Variants in ZBTB37 observed in about 807,000 individuals in gnomAD.
ZBTB37 encodes zinc finger and BTB domain containing 37, also known as zinc finger and BTB domain-containing protein 37.
A neutral mutation model predicts 37.7 loss-of-function variants in ZBTB37; 15 were observed. That is an observed-to-expected ratio of 0.40 (90% CI 0.27 to 0.61). The LOEUF is 0.61. Ranked by LOEUF, ZBTB37 falls within the 20% of genes least tolerant of loss-of-function variation. The probability of loss-of-function intolerance (pLI) is 0.44; values close to 1 mark genes in which losing one functional copy is unlikely to be tolerated. For synonymous variants in ZBTB37, 231 were observed against 220.6 expected, an observed-to-expected ratio of 1.05 and a Z score of -0.42; for missense variants, 514 against 641.9, an observed-to-expected ratio of 0.80 and a Z score of 2.15.
chr1:173,900,542 T>C (rs1468193670), exon 4 of ZBTB37: 6 of 152,236 alleles, frequency 3.9e-5, no homozygotes, highest in Non-Finnish European at 1.5e-5. Context: ...CAAGTTCAAA[T>C]GTAGCAGGCT....
chr1:173,886,259 C>A, exon 5 of ZBTB37: 1 of 1,372,236 alleles, frequency 7.3e-7, no homozygotes, highest in Non-Finnish European at 9.7e-7. Flanking sequence ...TGTTGCCAAA[C>A]TGGAGGATCA....
exon 4 of ZBTB37, chr1:173,896,062 A>G (rs1657031801): frequency 6.6e-6 from 1 of 152,176 alleles, no homozygotes; most frequent in African/African-American, 2.4e-5. Flanking sequence ...AATACAGGAA[A>G]TAAAGGGGTA....
chr1:173,888,830 A>G (rs1479042293), downstream of ZBTB37: 1 of 152,202 alleles, frequency 6.6e-6, no homozygotes, highest in Non-Finnish European at 1.5e-5. Flanking sequence ...AAGTGCAGTA[A>G]TTTCTGTAAA....
chr1:173,896,136 G>T (rs1353401290), exon 4 of ZBTB37: 1 of 152,110 alleles, frequency 6.6e-6, no homozygotes, highest in Non-Finnish European at 1.5e-5. Flanking sequence ...AGAAGACCTT[G>T]GCATTTGTAT....
chr1:173,888,325 A>G (rs964329202), downstream of ZBTB37: 1 of 152,204 alleles, frequency 6.6e-6, no homozygotes, highest in African/African-American at 2.4e-5. Flanking sequence ...AGAAGTACAG[A>G]TTATGCTGCT....
At chr1:173,872,069 AT>A (rs1366240903) in intron 3 of ZBTB37, among the ~76,000 whole-genome samples, 1 of 152,080 alleles carries the variant, frequency 6.6e-6, no homozygotes, top group Admixed American at 6.6e-5. Context: ...TTTTTATTTT[AT>A]TTTATTTATT....
At chr1:173,887,694 G>A (rs141065593), downstream of ZBTB37, 6 of 152,236 alleles carry the variant, frequency 3.9e-5, no homozygotes, top group Non-Finnish European at 7.4e-5. Context: ...TTCTGTTGAC[G>A]GAGCACTAGT....
exon 3 of ZBTB37, chr1:173,870,664 G>A (rs1437761139): frequency 6.2e-7 from 1 of 1,614,058 alleles, no homozygotes; most frequent in Non-Finnish European, 8.5e-7. Context: ...AAAGCATCAA[G>A]AGAGACCTCC....
downstream of ZBTB37, chr1:173,889,688 T>A (rs183409570): frequency 3.9e-5 from 6 of 152,350 alleles, no homozygotes; most frequent in African/African-American, 1.4e-4. Flanking sequence ...GTTCTCTCTT[T>A]ACTCAGAACC....
chr1:173,899,987 A>G (rs1403220996), exon 4 of ZBTB37: 1 of 152,232 alleles, frequency 6.6e-6, no homozygotes, highest in African/African-American at 2.4e-5. Context: ...TTTCTTTTGC[A>G]TATGTAGTTT....
upstream of ZBTB37, chr1:173,868,086 TC>T (rs936603455): frequency 5.9e-6 from 1 of 169,024 alleles, no homozygotes; most frequent in Non-Finnish European, 1.3e-5. Context: ...CCCCCTAACC[TC>T]CCTCAATCTT....
At chr1:173,881,872 G>C (rs1324745946) in intron 4 of ZBTB37, among the ~76,000 whole-genome samples, 2 of 152,024 alleles carry the variant, frequency 1.3e-5, no homozygotes, top group East Asian at 3.9e-4. Flanking sequence ...GGCTAACACG[G>C]TGAAACCCTG....
At chr1:173,870,056 C>T (rs1245294940) in intron 2 of ZBTB37, 144 bp from the exon 3 acceptor site, 3 of 585,638 alleles carry the variant, frequency 5.1e-6, no homozygotes, top group Admixed American at 7.1e-5. Context: ...TCTGTTTCCA[C>T]ATCTAAATAT....
exon 3 of ZBTB37, chr1:173,870,462 T>C: frequency 1.2e-6 from 2 of 1,614,242 alleles, no homozygotes; most frequent in Non-Finnish European, 1.7e-6. Flanking sequence ...ACCCTACTGT[T>C]TTTGAACAGC....
downstream of ZBTB37, chr1:173,889,831 T>C (rs1656774000): frequency 1.3e-5 from 2 of 152,230 alleles, no homozygotes; most frequent in Non-Finnish European, 2.9e-5. Flanking sequence ...AGGATAAAGT[T>C]TGGGAATGAA....
In ZBTB37 at chr1:173,882,399, G is replaced by A. The variant is rs1337976822; in HGVS notation, c.1024-3237G>A. ...TGGGACTACAGGCACCCGCCACCAC[G>A]CCCAGCTAATTTTTGTATTTTTAGT... On this transcript the variant is annotated intron_variant, in intron 4 of 4. Coordinates refer to ENST00000427304, the Ensembl canonical transcript of ZBTB37. 5.3e-5 allele frequency among the ~76,000 whole-genome samples: 8 copies of A among 151,352 alleles called. No homozygotes were observed. The East Asian group carries it at 5.9e-4, about 11-fold the overall frequency.
intron 2 of ZBTB37, among the ~76,000 whole-genome samples, chr1:173,869,637 CAA>C (rs1655376803): frequency 2.5e-5 from 3 of 121,046 alleles, no homozygotes; most frequent in South Asian, 2.4e-4. Context: ...GCCCTATAAC[CAA>C]AGTCTTTTTG....
exon 4 of ZBTB37, chr1:173,897,819 A>G (rs1657106855): frequency 6.6e-6 from 1 of 152,228 alleles, no homozygotes; most frequent in African/African-American, 2.4e-5. Context: ...TTCTGTAGCA[A>G]GCAAAGGAAA....
At chr1:173,875,192 TACAC>T (rs1371700421) in intron 4 of ZBTB37, among the ~76,000 whole-genome samples, 2 of 150,774 alleles carry the variant, frequency 1.3e-5, no homozygotes, top group South Asian at 2.1e-4. Flanking sequence ...ATATGTAGTA[TACAC>T]ACACTATGTA....
Sources: allele counts gnomAD v4.1 joint callset (sites outside exome capture counted in the v4.1 genomes callset), GRCh38; gene constraint gnomAD v4.1.1; transcripts MANE v1.5; gene names NCBI Gene and HGNC (gene_info 2026-07-23, HGNC 2026-07-21).